The following CDH11 variants were observed in gnomAD, a reference collection of about 807,000 sequenced individuals.
CDH11 encodes cadherin 11.
CDH11 carries 11 observed loss-of-function variants against 67.8 expected under a neutral mutation model. The ratio of observed to expected loss-of-function variants is 0.16; its 90% CI spans 0.10 to 0.27. The LOEUF (loss-of-function observed/expected upper bound fraction) is 0.27, where lower values mean the gene tolerates loss of function less well. Among genes scored for constraint, CDH11 ranks in the 10% least tolerant of loss-of-function variants. The pLI, the probability that CDH11 is intolerant of heterozygous loss-of-function variation, is 1.00. For missense variants in CDH11, 847 were observed against 1,031.2 expected (o/e 0.82, Z 2.45); for synonymous variants, 419 against 400.0 (o/e 1.05, Z -0.57).
At chr16:64,993,888 T>C (rs1020418085) in intron 4 of CDH11, among the ~76,000 whole-genome samples, 2 of 152,182 alleles carry the variant, frequency 1.3e-5, no homozygotes, top group African/African-American at 4.8e-5. Context: ...GCACATTCCA[T>C]GTATTTTGCC....
In CDH11 at chr16:64,950,922, G is replaced by A. The variant is rs763850377; in HGVS notation, c.1739C>T (p.Pro580Leu). 7 of 1,614,222 alleles carry A rather than the reference G, an allele frequency of 4.3e-6. No homozygotes were observed. The East Asian group carries it at 8.9e-5, about 21-fold the overall frequency. The change falls in exon 12 of 13, where the codon CCG (proline) becomes CTG (leucine). Residue 580 changes from proline (P) to leucine (L), a missense_variant. This residue lies in a region of CDH11 where 612 missense variants were observed against 678.7 expected (regional missense o/e 0.90). Coordinates refer to ENST00000268603, the MANE Select transcript of CDH11 (RefSeq NM_001797.4). ...LPIVISDGGI[P>L]PMSSTNTLTI... ...GAGGGTGTTGGTGCTACTCATGGGC[G>A]GGATGCCGCCATCGCTGATCACTAT... is the stretch of plus-strand genomic sequence containing the variant.
At chr16:64,984,924 A>T (rs1312185847) in intron 7 of CDH11, 1 of 152,226 alleles carries the variant, frequency 6.6e-6, no homozygotes, top group East Asian at 1.9e-4. Context: ...ACATAAAAAG[A>T]GTTTTATTAA....
At chr16:65,067,219 C>T (rs569211338) in intron 1 of CDH11, among the ~76,000 whole-genome samples, 4 of 150,754 alleles carry the variant, frequency 2.7e-5, no homozygotes, top group Admixed American at 2.0e-4. Context: ...AGAGAAACGA[C>T]GAATCCAGGA....
At chr16:65,071,231 G>A (rs1202864334) in intron 1 of CDH11, among the ~76,000 whole-genome samples, 1 of 152,164 alleles carries the variant, frequency 6.6e-6, no homozygotes, top group Non-Finnish European at 1.5e-5. Context: ...GCCCGTTAAC[G>A]ATTCCATACA....
intron 2 of CDH11, among the ~76,000 whole-genome samples, chr16:65,024,990 G>T (rs1291464282): frequency 6.6e-6 from 1 of 152,198 alleles, no homozygotes; most frequent in Admixed American, 6.5e-5. Flanking sequence ...ATGAAACCAT[G>T]TCTGATATCT....
At chr16:65,086,170 T>C (rs1161707876) in intron 1 of CDH11, among the ~76,000 whole-genome samples, 2 of 152,202 alleles carry the variant, frequency 1.3e-5, no homozygotes, top group South Asian at 2.1e-4. Flanking sequence ...TAAAAGAAAT[T>C]GGGATCTGAA....
intron 2 of CDH11, among the ~76,000 whole-genome samples, chr16:65,017,540 A>G (rs146050995): frequency 1.5e-3 from 227 of 152,320 alleles, no homozygotes; most frequent in South Asian, 6.0e-3. Flanking sequence ...GAAAATGTTG[A>G]GTAAGTGTAC....
At chr16:65,032,319 T>A (rs2073658887) in intron 2 of CDH11, among the ~76,000 whole-genome samples, 1 of 123,512 alleles carries the variant, frequency 8.1e-6, no homozygotes, top group African/African-American at 3.5e-5. Context: ...AAACTCTGTC[T>A]CTCCCAAAAA....
rs561994054 is a variant in CDH11 at position 65,091,184 on chromosome 16, T to A, written c.-298+30696A>T. ...CTTTGTAATACTTCTAGTGACTGAA[T>A]TTAGTCCACCATAAAAATATACCAT... On this transcript the variant is annotated intron_variant, in intron 1 of 12. Transcript: ENST00000268603. Among the ~76,000 whole-genome samples, 16 of 152,332 alleles carry A rather than the reference T, an allele frequency of 1.1e-4. No homozygotes were observed. In the South Asian group the frequency reaches 1.4e-3, roughly 14 times the overall value.
chr16:65,005,019 C>A lies in CDH11; in HGVS notation c.-150G>T, dbSNP rs2073017607. ...GCTGGTTGAGCTCATCACGTCAGGG[C>A]TGCCCACGTCCCCAGTTAGCTTCTG... On this transcript the variant is annotated 5_prime_UTR_variant, in exon 3 of 13. Coordinates refer to ENST00000268603, the MANE Select transcript of CDH11 (RefSeq NM_001797.4). The A allele has an allele frequency of 7.3e-7, 1 of 1,370,626 alleles. No homozygotes were observed. The highest frequency in any genetic ancestry group is 2.5e-4 in the Middle Eastern group (1 of 3,976). 84.9% of individuals were successfully genotyped at this position (1,370,626 alleles called of 1,614,324 possible).
chr16:65,088,803 C>A (rs1429323084), intron 1 of CDH11, among the ~76,000 whole-genome samples: 1 of 152,134 alleles, frequency 6.6e-6, no homozygotes, highest in African/African-American at 2.4e-5. Flanking sequence ...AGACAAAGGG[C>A]CTGATACATG....
chr16:65,027,033 C>A (rs968972833), intron 2 of CDH11, among the ~76,000 whole-genome samples: 2 of 152,102 alleles, frequency 1.3e-5, no homozygotes, highest in Admixed American at 6.5e-5. Flanking sequence ...AAAGGAGTTA[C>A]GTGGTTGTAG....
intron 1 of CDH11, among the ~76,000 whole-genome samples, chr16:65,068,991 A>T (rs975143180): frequency 1.3e-5 from 2 of 152,242 alleles, no homozygotes; most frequent in Admixed American, 1.3e-4. Flanking sequence ...AAAATAGAGC[A>T]TTAGGCTGAC....
chr16:65,083,305 G>A (rs1365033273), intron 1 of CDH11, among the ~76,000 whole-genome samples: 1 of 152,200 alleles, frequency 6.6e-6, no homozygotes, highest in African/African-American at 2.4e-5. Flanking sequence ...GAGTGAGACA[G>A]CCTTGCTTTA....
At chr16:65,113,612 C>T (rs1049526640) in intron 1 of CDH11, among the ~76,000 whole-genome samples, 3 of 152,094 alleles carry the variant, frequency 2.0e-5, no homozygotes, top group Non-Finnish European at 2.9e-5. Context: ...CGTGGTAAAG[C>T]GGGCAGTGAC....
At chr16:65,068,951 G>A (rs774454397) in intron 1 of CDH11, among the ~76,000 whole-genome samples, 1 of 152,122 alleles carries the variant, frequency 6.6e-6, no homozygotes, top group Non-Finnish European at 1.5e-5. Context: ...GTTTCCCTAT[G>A]CATGTTTTAA....
rs911969540 is a variant in CDH11 at position 65,121,780 on chromosome 16, C to T, written c.-298+100G>A. On this transcript the variant is annotated intron_variant, in intron 1 of 12. Transcript: ENST00000268603. This position sits in a 1 kb window ranked among gnomAD's most constrained non-coding sequence, Gnocchi z 4.1. ...ACTCAGATACCACCGTCCCCCTCACCACCCCGCCCCGCCAAGACATTCTCT... is the reference window on the plus strand; with the variant it reads ...ACTCAGATACCACCGTCCCCCTCACTACCCCGCCCCGCCAAGACATTCTCT... 1 of 699,208 alleles carries T rather than the reference C, an allele frequency of 1.4e-6. No homozygotes were observed. The highest frequency in any genetic ancestry group is 2.6e-6 in the Non-Finnish European group (1 of 383,718). 43.3% of individuals were successfully genotyped at this position (699,208 alleles called of 1,614,324 possible).
chr16:65,099,580 G>C (rs2142852533), intron 1 of CDH11, among the ~76,000 whole-genome samples: 1 of 152,244 alleles, frequency 6.6e-6, no homozygotes, highest in East Asian at 1.9e-4. Flanking sequence ...ACTTCCAGTG[G>C]TTATTGTGTC....
chr16:64,988,028 T>C (rs1057010720), intron 7 of CDH11, 129 bp downstream of exon 7: 9 of 663,960 alleles, frequency 1.4e-5, no homozygotes, highest in East Asian at 2.8e-5. Context: ...AGAGCTCAAC[T>C]ACAAAGTCAG....
Sources: gnomAD v4.1 joint callset for allele counts (sites outside exome capture counted in the v4.1 genomes callset) on GRCh38, gnomAD v4.1.1 for gene constraint, gnomAD v4.1.1 regional missense constraint, Gnocchi (gnomAD v3.1) non-coding constraint, MANE v1.5 for transcripts, NCBI Gene and HGNC (gene_info 2026-07-23, HGNC 2026-07-21) for gene names.